The following DMD variants were observed in gnomAD, a reference collection of about 807,000 sequenced individuals.
DMD encodes the protein dystrophin.
In DMD, 63 loss-of-function variants were observed where a neutral mutation model predicts 330.1. That is an observed-to-expected ratio of 0.19 (90% CI 0.16 to 0.24). The LOEUF (loss-of-function observed/expected upper bound fraction) is 0.24, where lower values mean the gene tolerates loss of function less well. DMD is among the 10% of genes least tolerant of loss of function. The probability of loss-of-function intolerance (pLI) is 1.00; values close to 1 mark genes in which losing one functional copy is unlikely to be tolerated. For missense variants in DMD, 3,344 were observed against 2,684.1 expected (o/e 1.25, Z -5.43); for synonymous variants, 1,223 against 959.8 (o/e 1.27, Z -5.07).
At chrX:32,831,987 C>T (rs1027302232) in intron 4 of DMD, among the ~76,000 whole-genome samples, 2 of 110,567 alleles carry the variant, frequency 1.8e-5, no homozygotes, top group African/African-American at 3.3e-5. Flanking sequence ...AATGAAAACA[C>T]GTCCTGCGTC....
chrX:32,069,426 A>C (rs963343570), intron 44 of DMD, among the ~76,000 whole-genome samples: 1 of 111,933 alleles, frequency 8.9e-6, no homozygotes, highest in African/African-American at 3.2e-5. Flanking sequence ...TTATGGTAGA[A>C]TTGAGTGTTG....
At chrX:31,665,853 C>T (rs1024272341) in intron 53 of DMD, among the ~76,000 whole-genome samples, 4 of 111,648 alleles carry the variant, frequency 3.6e-5, no homozygotes, top group Non-Finnish European at 7.5e-5. Context: ...TACTTTCAGG[C>T]CCCATTTCTC....
intron 44 of DMD, among the ~76,000 whole-genome samples, chrX:32,174,435 C>T (rs2096899015): frequency 8.9e-6 from 1 of 112,177 alleles, no homozygotes; most frequent in Non-Finnish European, 1.9e-5. Context: ...AACTGCAGCC[C>T]TCAAGCCGTA....
intron 52 of DMD, among the ~76,000 whole-genome samples, chrX:31,724,791 C>G (rs959943919): frequency 7.2e-5 from 8 of 111,716 alleles, no homozygotes; most frequent in African/African-American, 2.6e-4. Context: ...TTCTTAATCA[C>G]CCTACCAGCA....
chrX:32,947,920 C>T (rs934631820), intron 2 of DMD, among the ~76,000 whole-genome samples: 1 of 110,900 alleles, frequency 9.0e-6, no homozygotes, highest in Non-Finnish European at 1.9e-5. Context: ...TACAACAGAC[C>T]GAAGGCAATG....
At chrX:31,974,054 C>T (rs1490965956) in intron 44 of DMD, among the ~76,000 whole-genome samples, 1 of 111,697 alleles carries the variant, frequency 9.0e-6, no homozygotes, top group Non-Finnish European at 1.9e-5. Flanking sequence ...AAATGTGGTA[C>T]ATATACACCA....
At chrX:31,646,167 G>C (rs1486283377) in intron 54 of DMD, among the ~76,000 whole-genome samples, 3 of 111,153 alleles carry the variant, frequency 2.7e-5, no homozygotes, top group African/African-American at 3.3e-5. Context: ...ACGTTCTTAG[G>C]ACTAGGTTAT....
intron 54 of DMD, among the ~76,000 whole-genome samples, chrX:31,646,668 G>C (rs1475086567): frequency 1.8e-5 from 2 of 111,651 alleles, no homozygotes; most frequent in Non-Finnish European, 3.8e-5. Flanking sequence ...GCCTTCAGCT[G>C]TAGGTAACAA....
At chrX:31,543,132 GC>G (rs2073933101) in intron 55 of DMD, among the ~76,000 whole-genome samples, 1 of 99,004 alleles carries the variant, frequency 1.0e-5, no homozygotes, top group Non-Finnish European at 2.0e-5. Context: ...ACCCTTGCTG[GC>G]CTGTTTTTTT....
chrX:32,600,352 G>A (rs965273010), intron 12 of DMD, among the ~76,000 whole-genome samples: 5 of 111,421 alleles, frequency 4.5e-5, no homozygotes, highest in South Asian at 7.4e-4. Context: ...ATAATTAATC[G>A]AAAGGCAGTA....
chrX:31,434,044 C>T (rs975888508), intron 60 of DMD, among the ~76,000 whole-genome samples: 2 of 111,288 alleles, frequency 1.8e-5, no homozygotes, highest in Admixed American at 1.9e-4. Context: ...AGCTCACATT[C>T]AGATAGGGGA....
chrX:32,898,252 G>C (rs2085911747), intron 2 of DMD, among the ~76,000 whole-genome samples: 1 of 111,782 alleles, frequency 8.9e-6, no homozygotes, highest in Admixed American at 9.5e-5. Context: ...ATGCTACACA[G>C]TAGAGAGTCA....
chrX:32,862,465 T>C (rs1006644785), intron 2 of DMD, among the ~76,000 whole-genome samples: 4 of 111,891 alleles, frequency 3.6e-5, no homozygotes, highest in African/African-American at 1.3e-4. Flanking sequence ...TGATTCATTG[T>C]CTGATCAGGT....
At chrX:33,233,050 A>G (rs1818712482) in intron 1 of DMD, among the ~76,000 whole-genome samples, 1 of 111,413 alleles carries the variant, frequency 9.0e-6, no homozygotes, top group African/African-American at 3.3e-5. Context: ...ATAATGCATC[A>G]TATATTTCAA....
rs868799132 is a variant in DMD, at chrX:32,252,715, A to T, written c.6290+34814T>A. Among the ~76,000 whole-genome samples, 12 of 34,144 alleles carry T rather than the reference A, an allele frequency of 3.5e-4. No homozygotes were observed. The East Asian group carries it at 5.9e-3, about 17-fold the overall frequency. 29.6% of individuals were successfully genotyped at this position (34,144 alleles called of 115,157 possible). The stretch of plus-strand genomic sequence containing the variant: ...ATATATAAATATATATAAATATATA[A>T]ATATATATAAATATATAAATATATA... On this transcript the variant is annotated intron_variant, in intron 43 of 78. Transcript: ENST00000357033.
At chrX:32,251,274 A>G (rs774036114) in intron 43 of DMD, among the ~76,000 whole-genome samples, 1 of 111,364 alleles carries the variant, frequency 9.0e-6, no homozygotes, top group South Asian at 3.8e-4. Flanking sequence ...GCACCCACTC[A>G]CATAACTTTA....
At chrX:31,807,064 T>A (rs2092313608) in intron 50 of DMD, among the ~76,000 whole-genome samples, 1 of 111,586 alleles carries the variant, frequency 9.0e-6, no homozygotes, top group East Asian at 2.8e-4. Flanking sequence ...TCTACCCTTT[T>A]GACGGCCGAA....
chrX:32,552,836 A>G (rs1023648715), intron 16 of DMD, among the ~76,000 whole-genome samples: 26 of 112,327 alleles, frequency 2.3e-4, no homozygotes, highest in African/African-American at 8.1e-4. Context: ...AATAATCATT[A>G]GAGAAGTGCA....
intron 9 of DMD, among the ~76,000 whole-genome samples, chrX:32,689,613 C>A (rs993625085): frequency 1.8e-5 from 2 of 110,919 alleles, no homozygotes; most frequent in African/African-American, 3.3e-5. Flanking sequence ...AAGAAAACTG[C>A]AACTCAATAT....
Sources: allele counts gnomAD v4.1 joint callset (sites outside exome capture counted in the v4.1 genomes callset), GRCh38; gene constraint gnomAD v4.1.1; transcripts MANE v1.5; gene names NCBI Gene and HGNC (gene_info 2026-07-23, HGNC 2026-07-21).